EP300: variants seen among roughly 807,000 people sequenced by gnomAD.
EP300 encodes the protein EP300 lysine acetyltransferase.
EP300 carries 31 observed loss-of-function variants against 264.0 expected under a neutral mutation model. The ratio of observed to expected loss-of-function variants is 0.12; its 90% CI spans 0.09 to 0.16. EP300 has a LOEUF of 0.16. Ranked by LOEUF, EP300 falls within the 10% of genes least tolerant of loss-of-function variation. The pLI is 1.00. For missense variants in EP300, 2,766 were observed against 3,052.9 expected (o/e 0.91, Z 2.21); for synonymous variants, 1,340 against 1,045.4 (o/e 1.28, Z -5.44).
At chr22:41,157,077 G>A in intron 17 of EP300, 92 bp from the exon 18 acceptor site, 1 of 1,531,740 alleles carries the variant, frequency 6.5e-7, no homozygotes, top group Non-Finnish European at 9.0e-7. Flanking sequence ...CTAAAACACT[G>A]CCTGGAAAAT....
In EP300 at chr22:41,178,242, A is replaced by G; in HGVS notation, c.6531A>G (p.Ser2177=). ...ACATGAACCACAACACCATGCCTTC[A>G]CAATTCCGAGACATCTTGAGACGAC... ...QMNMNHNTMP[S]QFRDILRRQQ... is the part of the protein sequence containing the mutation. Residue 2177 remains serine, a synonymous_variant, in exon 31 of 31, where the codon TCA becomes TCG. Transcript: ENST00000263253. 1 of 1,614,148 alleles carries G rather than the reference A, an allele frequency of 6.2e-7. No homozygotes were observed. Among genetic ancestry groups the G allele is most frequent in the African/African-American group, 1.3e-5 (1 of 75,042 alleles).
chr22:41,151,221 T>G (rs535176242), intron 14 of EP300, among the ~76,000 whole-genome samples: 41 of 152,286 alleles, frequency 2.7e-4, no homozygotes, highest in African/African-American at 9.6e-4. Flanking sequence ...CATCGTGGCC[T>G]CTGATAGACA....
At chr22:41,166,322 T>A (rs766678637) in intron 22 of EP300, among the ~76,000 whole-genome samples, 3 of 152,226 alleles carry the variant, frequency 2.0e-5, no homozygotes, top group Non-Finnish European at 2.9e-5. Flanking sequence ...CCCTATCACA[T>A]TAGCAAAACC....
intron 6 of EP300, among the ~76,000 whole-genome samples, chr22:41,133,901 TGA>T (rs1372977153): frequency 3.3e-5 from 5 of 152,362 alleles, no homozygotes; most frequent in Middle Eastern, 3.4e-3. Context: ...CTGAAAGTTA[TGA>T]GAGTGAAATG....
At chr22:41,152,082 T>C (rs1010138626) in intron 15 of EP300, 70 bp downstream of exon 15, 92 of 1,600,622 alleles carry the variant, frequency 5.7e-5, no homozygotes, top group East Asian at 6.7e-5. Flanking sequence ...TTAAAAAATA[T>C]TGCAGAAAAA....
chr22:41,109,933 C>T (rs2058779655), intron 1 of EP300, among the ~76,000 whole-genome samples: 1 of 151,478 alleles, frequency 6.6e-6, no homozygotes, highest in South Asian at 2.1e-4. Flanking sequence ...CCTGCCCCGG[C>T]CTCCTGAGTA....
intron 1 of EP300, among the ~76,000 whole-genome samples, chr22:41,095,022 C>T (rs1228209533): frequency 1.3e-5 from 2 of 152,028 alleles, no homozygotes; most frequent in African/African-American, 4.8e-5. Context: ...AATTCATTCA[C>T]TCATAATGCT....
intron 1 of EP300, among the ~76,000 whole-genome samples, chr22:41,106,751 A>G (rs757273255): frequency 5.2e-5 from 6 of 114,678 alleles, no homozygotes; most frequent in Non-Finnish European, 8.9e-5. Context: ...CTGCACCACC[A>G]TGCCTGGCTA....
chr22:41,178,634 G>A lies in EP300; in HGVS notation c.6923G>A (p.Arg2308His), dbSNP rs759647202. 2.7e-5 allele frequency: 43 copies of A among 1,613,846 alleles called. No homozygotes were observed. Among genetic ancestry groups the A allele is most frequent in the East Asian group, 4.5e-5 (2 of 44,900 alleles). ...CCTAATTCTCTCTCCAATCAAGTGCGCTCTCCCCAGCCTGTCCCTTCTCCA... is the reference window on the plus strand; with the variant it reads ...CCTAATTCTCTCTCCAATCAAGTGCACTCTCCCCAGCCTGTCCCTTCTCCA... The part of the protein sequence containing the change: ...QIPNSLSNQV[R>H]SPQPVPSPRP... Residue 2308 changes from arginine to histidine, a missense_variant, in exon 31 of 31, where the codon CGC becomes CAC. Transcript: ENST00000263253.
At position 41,177,462 on chromosome 22, in the gene EP300, C is replaced by G. The variant is rs757972445; in HGVS notation, c.5751C>G (p.Pro1917=). The G allele has an allele frequency of 1.2e-6, 2 of 1,614,200 alleles. No individual in the cohort carries two copies. Among genetic ancestry groups the G allele is most frequent in the Non-Finnish European group, 8.5e-7 (1 of 1,180,036 alleles). The change falls in exon 31 of 31, where the codon CCC becomes CCG. Residue 1917 remains proline (P), a synonymous_variant. Transcript: ENST00000263253. ...PPTPPQTAQP[P]LPGPPPAAVE... Reference sequence around the variant, plus strand: ...CCCCTCCTCAGACTGCTCAGCCACCCCTTCCAGGGCCCCCACCTGCAGCAG... The same window carrying G: ...CCCCTCCTCAGACTGCTCAGCCACCGCTTCCAGGGCCCCCACCTGCAGCAG...
At chr22:41,157,446 G>A (rs764333834) in intron 18 of EP300, 38 bp downstream of exon 18, 1 of 1,606,640 alleles carries the variant, frequency 6.2e-7, no homozygotes, top group South Asian at 1.1e-5. Flanking sequence ...TAACTTTTCT[G>A]GGATACCTAG....
chr22:41,176,082 T>TAGATCTC, intron 29 of EP300, 165 bp from the exon 30 acceptor site: 2 of 744,752 alleles, frequency 2.7e-6, no homozygotes, highest in Non-Finnish European at 4.5e-6. Flanking sequence ...TAGCCAGGTG[T>TAGATCTC]GGTGGTGTGG....
Position 41,150,016 on chromosome 22 carries a change from C to T in EP300, c.2635C>T (p.His879Tyr), listed in dbSNP as rs2145737544. Residue 879 changes from histidine (H) to tyrosine (Y), a missense_variant, in exon 14 of 31, where the codon CAT becomes TAT. Transcript: ENST00000263253. The stretch of plus-strand genomic sequence containing the variant: ...ACCTGGGCCACAGTCCCAGGCTCTA[C>T]ATCCCCCTCCAAGGCAGACACCTAC... ...MPPGPQSQAL[H>Y]PPPRQTPTPP... is the part of the protein sequence containing the mutation. 1.2e-6 allele frequency: 2 copies of T among 1,614,056 alleles called. No homozygotes were observed. The highest frequency in any genetic ancestry group is 1.7e-6 in the Non-Finnish European group (2 of 1,180,034).
In EP300 at chr22:41,138,439, CA is replaced by C. The variant is rs1601611928; in HGVS notation, c.1760+650del. On this transcript the variant is annotated intron_variant, in intron 8 of 30. Coordinates refer to ENST00000263253, the MANE Select transcript of EP300 (RefSeq NM_001429.4). ...TCAGCTTCCCAAAGTGCTAGGATTA[CA>C]GGTGTGAGCCACCACGCCTGTCCTG... is the stretch of plus-strand genomic sequence containing the variant. 3.3e-5 allele frequency among the ~76,000 whole-genome samples: 5 copies of C among 152,178 alleles called. No homozygotes were observed. In the East Asian group the frequency reaches 9.6e-4, roughly 29 times the overall value.
intron 1 of EP300, among the ~76,000 whole-genome samples, chr22:41,115,847 G>T (rs1341513210): frequency 2.6e-5 from 4 of 152,192 alleles, no homozygotes; most frequent in Non-Finnish European, 1.5e-5. Context: ...CCTGTTAAAG[G>T]CCTACTTTGA....
At chr22:41,107,638 A>G (rs368797147) in intron 1 of EP300, among the ~76,000 whole-genome samples, 14 of 152,200 alleles carry the variant, frequency 9.2e-5, no homozygotes, top group East Asian at 5.8e-4. Context: ...CATTTGTTCA[A>G]TTTCTCACGT....
At chr22:41,168,946 A>G (rs2059155177) in intron 25 of EP300, 79 bp downstream of exon 25, 1 of 1,590,762 alleles carries the variant, frequency 6.3e-7, no homozygotes, top group East Asian at 2.2e-5. Context: ...CATAACAGGC[A>G]AGAAAATGTT....
At chr22:41,138,700 TAC>T (rs993546773) in intron 8 of EP300, among the ~76,000 whole-genome samples, 1 of 152,314 alleles carries the variant, frequency 6.6e-6, no homozygotes, top group East Asian at 1.9e-4. Context: ...CCTTGCCAAT[TAC>T]AGAGTTTACC....
At chr22:41,158,533 GT>G in intron 19 of EP300, 33 bp downstream of exon 19, 1 of 1,547,766 alleles carries the variant, frequency 6.5e-7, no homozygotes, top group Non-Finnish European at 8.9e-7. Flanking sequence ...CATGGTCCAT[GT>G]GTCCACATGT....
Sources: allele counts gnomAD v4.1 joint callset (sites outside exome capture counted in the v4.1 genomes callset), GRCh38; gene constraint gnomAD v4.1.1; transcripts MANE v1.5; gene names NCBI Gene and HGNC (gene_info 2026-07-23, HGNC 2026-07-21).